The following EYS variants were observed in gnomAD, a reference collection of about 807,000 sequenced individuals.
EYS encodes the protein protein eyes shut homolog.
Under a neutral mutation model 282.1 loss-of-function variants are expected in EYS, and 250 were observed. That is an observed-to-expected ratio of 0.89 (90% CI 0.80 to 0.98). The LOEUF is 0.98. Ranked by LOEUF, EYS falls within the 50% of genes least tolerant of loss-of-function variation. The pLI is 0.00. For synonymous variants in EYS, 1,355 were observed against 1,282.9 expected (o/e 1.06, Z -1.20); for missense variants, 4,016 against 3,709.0 (o/e 1.08, Z -2.15).
intron 2 of EYS, among the ~76,000 whole-genome samples, chr6:65,549,793 C>T (rs904597054): frequency 1.3e-5 from 2 of 152,198 alleles, no homozygotes; most frequent in African/African-American, 4.8e-5. Flanking sequence ...GACAGCTTCT[C>T]CCAGTCAACC....
chr6:63,877,112 G>T (rs904035313), intron 35 of EYS, among the ~76,000 whole-genome samples: 2 of 152,132 alleles, frequency 1.3e-5, no homozygotes, highest in African/African-American at 2.4e-5. Context: ...GGTACTGGTT[G>T]TTCCTTTCCA....
intron 30 of EYS, among the ~76,000 whole-genome samples, chr6:64,302,720 T>C (rs1769278932): frequency 1.3e-5 from 2 of 152,190 alleles, no homozygotes; most frequent in South Asian, 4.2e-4. Flanking sequence ...CCTGCAACAC[T>C]AGTAGCACAA....
chr6:65,027,022 GTT>G (rs74497929), intron 13 of EYS, among the ~76,000 whole-genome samples: 8 of 135,608 alleles, frequency 5.9e-5, no homozygotes, highest in South Asian at 4.6e-4. Context: ...TGTAATGTGT[GTT>G]TTTTTTTTTT....
At chr6:65,474,878 C>T (rs1054492520) in intron 5 of EYS, among the ~76,000 whole-genome samples, 2 of 151,670 alleles carry the variant, frequency 1.3e-5, no homozygotes, top group African/African-American at 2.4e-5. Context: ...TGGAAGTGAA[C>T]GACAGAGGAG....
At chr6:64,544,922 G>T (rs1436205966) in intron 26 of EYS, among the ~76,000 whole-genome samples, 2 of 152,128 alleles carry the variant, frequency 1.3e-5, no homozygotes, top group African/African-American at 2.4e-5. Context: ...TGGATTCACA[G>T]CCAAATTCTA....
At chr6:64,757,881 T>C (rs1227218246) in intron 22 of EYS, among the ~76,000 whole-genome samples, 1 of 151,318 alleles carries the variant, frequency 6.6e-6, no homozygotes, top group Admixed American at 6.6e-5. Flanking sequence ...GCCTCCCGGC[T>C]TCACGCCGTT....
At chr6:65,292,182 G>C (rs1487051540) in intron 12 of EYS, among the ~76,000 whole-genome samples, 1 of 151,384 alleles carries the variant, frequency 6.6e-6, no homozygotes, top group Non-Finnish European at 1.5e-5. Flanking sequence ...TCTCCTCTTA[G>C]GCATAAATTA....
chr6:64,768,278 CT>C (rs145559353), intron 22 of EYS, among the ~76,000 whole-genome samples: 4 of 152,062 alleles, frequency 2.6e-5, no homozygotes, highest in African/African-American at 9.6e-5. Context: ...AAATAGAACA[CT>C]TTGAGAAATT....
chr6:65,047,012 A>G (rs1773122841), intron 13 of EYS, among the ~76,000 whole-genome samples: 1 of 150,262 alleles, frequency 6.7e-6, no homozygotes, highest in African/African-American at 2.5e-5. Context: ...CTTCCCCTTC[A>G]CCTTCTGCTG....
chr6:64,458,694 T>C (rs1343825457), intron 26 of EYS, among the ~76,000 whole-genome samples: 3 of 152,138 alleles, frequency 2.0e-5, no homozygotes, highest in Non-Finnish European at 4.4e-5. Flanking sequence ...ATGGGATATT[T>C]GCATATTTCT....
At chr6:65,035,680 A>G (rs1772745377) in intron 13 of EYS, among the ~76,000 whole-genome samples, 1 of 151,938 alleles carries the variant, frequency 6.6e-6, no homozygotes, top group South Asian at 2.1e-4. Context: ...GATATCAGAA[A>G]TGACACACAC....
chr6:64,947,441 A>G (rs1769324089), intron 14 of EYS, among the ~76,000 whole-genome samples: 1 of 151,878 alleles, frequency 6.6e-6, no homozygotes, highest in Admixed American at 6.6e-5. Context: ...TAACTAGCTT[A>G]AAAGCACAAG....
intron 12 of EYS, among the ~76,000 whole-genome samples, chr6:65,088,090 G>A (rs1417551970): frequency 1.3e-5 from 2 of 152,116 alleles, no homozygotes; most frequent in Admixed American, 6.6e-5. Context: ...GTTTCCTGAG[G>A]TCTCCTACTA....
chr6:64,468,165 T>C (rs190476436), intron 26 of EYS, among the ~76,000 whole-genome samples: 2 of 152,216 alleles, frequency 1.3e-5, no homozygotes, highest in Non-Finnish European at 2.9e-5. Context: ...ATTACAGGTG[T>C]CCAAGGACTG....
intron 22 of EYS, among the ~76,000 whole-genome samples, chr6:64,786,962 G>A (rs1043986278): frequency 2.0e-5 from 3 of 152,158 alleles, no homozygotes; most frequent in African/African-American, 7.2e-5. Flanking sequence ...TCAATTACTT[G>A]TTAACCACCC....
intron 33 of EYS, among the ~76,000 whole-genome samples, chr6:64,051,520 T>C (rs773234137): frequency 6.6e-6 from 1 of 152,144 alleles, no homozygotes; most frequent in African/African-American, 2.4e-5. Context: ...TGTTAAAATT[T>C]AGCTAATACT....
At chr6:63,813,691 G>T (rs1193262584) in intron 36 of EYS, among the ~76,000 whole-genome samples, 1 of 152,102 alleles carries the variant, frequency 6.6e-6, no homozygotes, top group Non-Finnish European at 1.5e-5. Context: ...TTCTATGTAG[G>T]CTGCTGTGTA....
chr6:65,701,950 G>A (rs1769694982), intron 1 of EYS, among the ~76,000 whole-genome samples: 2 of 152,126 alleles, frequency 1.3e-5, no homozygotes, highest in Admixed American at 6.6e-5. Context: ...AACCCACAAA[G>A]GTAGTATCGG....
At chr6:64,247,796 A>G (rs1454405940) in intron 30 of EYS, among the ~76,000 whole-genome samples, 1 of 152,226 alleles carries the variant, frequency 6.6e-6, no homozygotes, top group Non-Finnish European at 1.5e-5. Context: ...GAGAAAACAG[A>G]AAACACTTAA....
Sources: allele counts gnomAD v4.1 joint callset (sites outside exome capture counted in the v4.1 genomes callset), GRCh38; gene constraint gnomAD v4.1.1; transcripts MANE v1.5; gene names NCBI Gene and HGNC (gene_info 2026-07-23, HGNC 2026-07-21).